GPC5: variants seen among roughly 807,000 people sequenced by gnomAD.
The protein encoded by GPC5 is glypican-5.
A neutral mutation model predicts 53.9 loss-of-function variants in GPC5; 47 were observed. That is an observed-to-expected ratio of 0.87 (90% CI 0.69 to 1.11). The LOEUF (loss-of-function observed/expected upper bound fraction) is 1.11, where lower values mean the gene tolerates loss of function less well. GPC5 is among the 50% of genes most tolerant of loss of function. GPC5 has a pLI of 0.00. For synonymous variants in GPC5, 286 were observed against 263.3 expected (o/e 1.09, Z -0.84); for missense variants, 748 against 713.1 (o/e 1.05, Z -0.56).
intron 1 of GPC5, among the ~76,000 whole-genome samples, chr13:91,444,510 A>G (rs1880649902): frequency 6.6e-6 from 1 of 152,176 alleles, no homozygotes; most frequent in Non-Finnish European, 1.5e-5. Context: ...ATTTTTATTG[A>G]GACAGGCTTC....
intron 2 of GPC5, among the ~76,000 whole-genome samples, chr13:91,567,015 A>G (rs954905440): frequency 6.6e-6 from 1 of 151,476 alleles, no homozygotes; most frequent in Non-Finnish European, 1.5e-5. Context: ...GCATTAGAGT[A>G]CAGAATTTGG....
At chr13:92,095,813 G>A (rs370506309) in intron 6 of GPC5, among the ~76,000 whole-genome samples, 22 of 152,136 alleles carry the variant, frequency 1.4e-4, no homozygotes, top group African/African-American at 3.6e-4. Context: ...GATTACAGGC[G>A]TGAGCCACTG....
chr13:91,965,758 C>T (rs1279356369), intron 6 of GPC5, among the ~76,000 whole-genome samples: 2 of 152,150 alleles, frequency 1.3e-5, no homozygotes, highest in Admixed American at 1.3e-4. Flanking sequence ...GAGTTCCATT[C>T]AGTACATCCG....
intron 7 of GPC5, among the ~76,000 whole-genome samples, chr13:92,656,428 T>A (rs1886139389): frequency 6.6e-6 from 1 of 152,038 alleles, no homozygotes; most frequent in Non-Finnish European, 1.5e-5. Context: ...GGATTCCAGT[T>A]AGTGGAAGTT....
chr13:92,477,390 G>A (rs1431051234), intron 7 of GPC5, among the ~76,000 whole-genome samples: 2 of 152,226 alleles, frequency 1.3e-5, no homozygotes, highest in East Asian at 3.9e-4. Flanking sequence ...CTGATAGTGG[G>A]TGTAGATATT....
chr13:92,067,591 A>C lies in GPC5; in HGVS notation c.1402-77239A>C, dbSNP rs550822855. Among the ~76,000 whole-genome samples the C allele has an allele frequency of 2.0e-5, 3 of 152,166 alleles. No individual in the cohort carries two copies. In the South Asian group the frequency reaches 6.2e-4, roughly 32 times the overall value. ...TTGTGGTTAATATTTATCTGTACAT[A>C]GGAAGATATTTCAGGGATGTGTAAG... On this transcript the variant is annotated intron_variant, in intron 6 of 7. Transcript: ENST00000377067.
rs143018049 is a variant in GPC5 at position 92,508,123 on chromosome 13, T to C, written c.1562-358159T>C. ...GGACTACAGGTGCACACCACCATGC[T>C]GGGCTAATTTTTTGTATCTTAGTAG... On this transcript the variant is annotated intron_variant, in intron 7 of 7. Coordinates refer to ENST00000377067, the MANE Select transcript of GPC5 (RefSeq NM_004466.6). 4.0e-3 allele frequency among the ~76,000 whole-genome samples: 606 copies of C among 152,202 alleles called. 7 individuals carry two copies. The highest frequency in any genetic ancestry group is 0.014 in the African/African-American group (589 of 41,532).
At chr13:92,577,656 T>C (rs2139049034) in intron 7 of GPC5, among the ~76,000 whole-genome samples, 1 of 152,308 alleles carries the variant, frequency 6.6e-6, no homozygotes, top group African/African-American at 2.4e-5. Flanking sequence ...CTAAAAGCTC[T>C]TTGATTTCCT....
At chr13:92,468,120 T>C (rs1878771365) in intron 7 of GPC5, among the ~76,000 whole-genome samples, 1 of 152,124 alleles carries the variant, frequency 6.6e-6, no homozygotes. Context: ...CAACTCTTTA[T>C]AGGCGAAAAT....
chr13:91,788,440 A>G (rs2037911942), intron 5 of GPC5, among the ~76,000 whole-genome samples: 1 of 152,226 alleles, frequency 6.6e-6, no homozygotes, highest in Non-Finnish European at 1.5e-5. Context: ...AATCTGTAGC[A>G]ATGCATTTTT....
chr13:91,525,078 C>G (rs1886021697), intron 2 of GPC5, among the ~76,000 whole-genome samples: 1 of 152,106 alleles, frequency 6.6e-6, no homozygotes, highest in Non-Finnish European at 1.5e-5. Flanking sequence ...ACACAATGTC[C>G]TCTTTTGTAT....
intron 5 of GPC5, among the ~76,000 whole-genome samples, chr13:91,832,558 A>G (rs2038674293): frequency 6.6e-6 from 1 of 152,046 alleles, no homozygotes; most frequent in Non-Finnish European, 1.5e-5. Flanking sequence ...TAGTTGATGC[A>G]GTTTCTATCA....
chr13:91,793,319 T>A (rs1324045889), intron 5 of GPC5, among the ~76,000 whole-genome samples: 1 of 152,124 alleles, frequency 6.6e-6, no homozygotes, highest in Admixed American at 6.5e-5. Flanking sequence ...CATGATTCAG[T>A]TACTGCCCAT....
intron 3 of GPC5, among the ~76,000 whole-genome samples, chr13:91,712,382 A>G (rs1017391190): frequency 9.3e-5 from 14 of 151,168 alleles, no homozygotes; most frequent in African/African-American, 2.4e-5. Flanking sequence ...ATATGTGTGT[A>G]TATATATGTG....
intron 7 of GPC5, among the ~76,000 whole-genome samples, chr13:92,493,940 ATT>A (rs1188436124): frequency 6.6e-6 from 1 of 152,208 alleles, no homozygotes; most frequent in Admixed American, 6.5e-5. Context: ...GTAAATGTAT[ATT>A]GTTTCTCTTG....
Position 92,866,484 on chromosome 13 carries a change from TTC to T in GPC5, c.*53_*54del, listed in dbSNP as rs1331827787. The T allele has an allele frequency of 6.8e-7, 1 of 1,465,838 alleles. No homozygotes were observed. Among genetic ancestry groups the T allele is most frequent in the Non-Finnish European group, 9.2e-7 (1 of 1,083,140 alleles). The allele number at this position is 1,465,838 out of a possible 1,614,324, so 90.8% of individuals were successfully genotyped here. On this transcript the variant is annotated 3_prime_UTR_variant, in exon 8 of 8. Coordinates refer to ENST00000377067, the MANE Select transcript of GPC5 (RefSeq NM_004466.6). Reference sequence around the variant, plus strand: ...CATACCTTACTGAAGTCTCGATTTCTTCTCTCTCTGCATATGCCTGGAATAAG... The same window carrying T: ...CATACCTTACTGAAGTCTCGATTTCTTCTCTCTGCATATGCCTGGAATAAG...
chr13:92,041,459 G>A (rs1594739912), intron 6 of GPC5, among the ~76,000 whole-genome samples: 1 of 152,110 alleles, frequency 6.6e-6, no homozygotes, highest in Non-Finnish European at 1.5e-5. Flanking sequence ...ACTTGTACAA[G>A]GTGCTTGCAT....
At chr13:92,102,444 T>G (rs2041474828) in intron 6 of GPC5, among the ~76,000 whole-genome samples, 1 of 152,120 alleles carries the variant, frequency 6.6e-6, no homozygotes, top group South Asian at 2.1e-4. Flanking sequence ...AGCAGTTGGT[T>G]TTTCTTTTCA....
At chr13:91,857,524 C>T (rs530488553) in intron 5 of GPC5, among the ~76,000 whole-genome samples, 183 of 149,566 alleles carry the variant, frequency 1.2e-3, no homozygotes, top group African/African-American at 3.9e-3. Flanking sequence ...TTATATATTT[C>T]TTATGATTTT....
Sources: gnomAD v4.1 joint callset for allele counts (sites outside exome capture counted in the v4.1 genomes callset) on GRCh38, gnomAD v4.1.1 for gene constraint, MANE v1.5 for transcripts, NCBI Gene and HGNC (gene_info 2026-07-23, HGNC 2026-07-21) for gene names.